The following SPTBN4 variants were observed in gnomAD, a reference collection of about 807,000 sequenced individuals.
The protein encoded by SPTBN4 is spectrin beta, non-erythrocytic 4.
SPTBN4 carries 96 observed loss-of-function variants against 277.8 expected under a neutral mutation model. The ratio of observed to expected loss-of-function variants is 0.35; its 90% CI spans 0.29 to 0.41. The LOEUF is 0.41. Among genes scored for constraint, SPTBN4 ranks in the 10% least tolerant of loss-of-function variants. The probability of loss-of-function intolerance (pLI) is 1.00; values close to 1 mark genes in which losing one functional copy is unlikely to be tolerated. For synonymous variants in SPTBN4, 1,481 were observed against 1,580.3 expected, an observed-to-expected ratio of 0.94 and a Z score of 1.49; for missense variants, 3,006 against 3,595.7, an observed-to-expected ratio of 0.84 and a Z score of 4.19.
chr19:40,527,667 C>T (rs376726688), intron 17 of SPTBN4, among the ~76,000 whole-genome samples: 4 of 151,870 alleles, frequency 2.6e-5, no homozygotes, highest in South Asian at 2.1e-4. Context: ...CAAGGCACAG[C>T]GAGAAGGGCA....
chr19:40,533,542 G>A (rs1373072174), intron 19 of SPTBN4, among the ~76,000 whole-genome samples: 1 of 152,142 alleles, frequency 6.6e-6, no homozygotes, highest in Non-Finnish European at 1.5e-5. Context: ...AGACACCCAT[G>A]TTGGCCTTAA....
At chr19:40,545,371 G>A (rs998844581) in intron 20 of SPTBN4, among the ~76,000 whole-genome samples, 1 of 151,800 alleles carries the variant, frequency 6.6e-6, no homozygotes, top group Non-Finnish European at 1.5e-5. Flanking sequence ...TGGGATTACA[G>A]GCGTGAGCCA....
chr19:40,552,476 A>AT (rs1334561680), intron 22 of SPTBN4, among the ~76,000 whole-genome samples: 1 of 143,418 alleles, frequency 7.0e-6, no homozygotes, highest in African/African-American at 2.6e-5. Context: ...AAAAAAAAAG[A>AT]TTAAAAAAAA....
At chr19:40,500,894 G>A (rs1377205781) in intron 7 of SPTBN4, among the ~76,000 whole-genome samples, 2 of 151,804 alleles carry the variant, frequency 1.3e-5, no homozygotes, top group South Asian at 4.2e-4. Context: ...GAAAGGAAAA[G>A]AAAGGAAACA....
chr19:40,572,256 T>C, intron 34 of SPTBN4, 64 bp downstream of exon 34: 1 of 1,602,724 alleles, frequency 6.2e-7, no homozygotes, highest in South Asian at 1.1e-5. Flanking sequence ...AGTGGGACCC[T>C]GGCTTCCCTG....
chr19:40,558,757 G>A (rs1214119094), intron 26 of SPTBN4, among the ~76,000 whole-genome samples: 2 of 151,488 alleles, frequency 1.3e-5, no homozygotes, highest in South Asian at 2.1e-4. Context: ...ACATGCACGC[G>A]CCACCACACC....
At chr19:40,492,618 A>G (rs2080151509) in intron 4 of SPTBN4, among the ~76,000 whole-genome samples, 1 of 152,184 alleles carries the variant, frequency 6.6e-6, no homozygotes, top group Admixed American at 6.5e-5. Flanking sequence ...TCTCTCTGCC[A>G]TGTGGAGAAC....
intron 15 of SPTBN4, among the ~76,000 whole-genome samples, chr19:40,516,593 G>A (rs1191720504): frequency 1.3e-5 from 2 of 152,244 alleles, no homozygotes; most frequent in Admixed American, 6.5e-5. Flanking sequence ...GGAGGCCAAG[G>A]CAGGTGGATC....
intron 16 of SPTBN4, among the ~76,000 whole-genome samples, chr19:40,521,076 C>T (rs2080521360): frequency 6.6e-6 from 1 of 152,146 alleles, no homozygotes; most frequent in African/African-American, 2.4e-5. Flanking sequence ...AGGCGCGAGC[C>T]ACCATGACCA....
intron 27 of SPTBN4, among the ~76,000 whole-genome samples, 159 bp from the exon 28 acceptor site, chr19:40,565,264 C>CAAAAA (rs71173654): frequency 7.8e-6 from 1 of 128,478 alleles, no homozygotes; most frequent in African/African-American, 2.8e-5. Context: ...GACTTTATCT[C>CAAAAA]AAAAAAAAAA....
chr19:40,549,107 C>T, intron 20 of SPTBN4, 82 bp from the exon 21 acceptor site: 1 of 1,204,382 alleles, frequency 8.3e-7, no homozygotes, highest in Non-Finnish European at 1.1e-6. Flanking sequence ...AGGGGTCTGG[C>T]TGTCACCATA....
chr19:40,554,452 G>A lies in SPTBN4; in HGVS notation c.4953+27G>A. 6.6e-7 allele frequency: 1 copy of A among 1,513,798 alleles called. No homozygotes were observed. The highest frequency in any genetic ancestry group is 8.9e-7 in the Non-Finnish European group (1 of 1,128,028). 93.8% of individuals were successfully genotyped at this position (1,513,798 alleles called of 1,614,324 possible). ...TGCGCCCGAGCTGGGGGTGCGGAGG[G>A]CCTGGGGGCGCTGGAGCCGGGGGCC... is the stretch of plus-strand genomic sequence containing the variant. On this transcript the variant is annotated intron_variant, in intron 23 of 35. Transcript: ENST00000598249. The surrounding 1 kb of genome is among the most constrained non-coding windows in gnomAD (Gnocchi z 5.7).
chr19:40,573,462 G>A (rs2081172626), intron 35 of SPTBN4, among the ~76,000 whole-genome samples: 1 of 152,248 alleles, frequency 6.6e-6, no homozygotes, highest in Non-Finnish European at 1.5e-5. Flanking sequence ...CTCAGGACAG[G>A]ATGGGCCATT....
chr19:40,533,085 A>G (rs1437047462), intron 19 of SPTBN4, among the ~76,000 whole-genome samples: 1 of 152,150 alleles, frequency 6.6e-6, no homozygotes, highest in African/African-American at 2.4e-5. Context: ...GGGGCATTTA[A>G]GATGGAAGGT....
Position 40,519,971 on chromosome 19 carries a change from C to T in SPTBN4, c.3474C>T (p.Ala1158=), listed in dbSNP as rs1599759507. Residue 1158 remains alanine (A), a synonymous_variant, in exon 16 of 36, where the codon GCC becomes GCT. Transcript: ENST00000598249. The surrounding 1 kb of genome is among the most constrained non-coding windows in gnomAD (Gnocchi z 5.7). Reference sequence around the variant, plus strand: ...TGGCGGCCAGCGAGGCGCTGCTGGCCGCCGACGGCGCAGAGCTGGGCCCGG... The same window carrying T: ...TGGCGGCCAGCGAGGCGCTGCTGGCTGCCGACGGCGCAGAGCTGGGCCCGG... ...RIVAASEALL[A]ADGAELGPGL... is the part of the protein sequence containing the mutation. 1.3e-6 allele frequency: 2 copies of T among 1,538,678 alleles called. No homozygotes were observed. Among genetic ancestry groups the T allele is most frequent in the Non-Finnish European group, 1.7e-6 (2 of 1,150,088 alleles).
At chr19:40,518,507 A>G (rs936703388) in intron 15 of SPTBN4, among the ~76,000 whole-genome samples, 1 of 151,938 alleles carries the variant, frequency 6.6e-6, no homozygotes, top group African/African-American at 2.4e-5. Flanking sequence ...ATCATGGCTC[A>G]CTGCAGCCTC....
At chr19:40,564,927 A>T (rs891948376) in intron 27 of SPTBN4, among the ~76,000 whole-genome samples, 1 of 152,028 alleles carries the variant, frequency 6.6e-6, no homozygotes, top group African/African-American at 2.4e-5. Context: ...AATTTGAATC[A>T]TTGAATTAGT....
intron 20 of SPTBN4, among the ~76,000 whole-genome samples, chr19:40,541,686 C>T (rs1443350164): frequency 6.6e-6 from 1 of 152,128 alleles, no homozygotes; most frequent in Non-Finnish European, 1.5e-5. Flanking sequence ...GTCGCCATCT[C>T]TGTGTCTCTC....
intron 13 of SPTBN4, among the ~76,000 whole-genome samples, chr19:40,512,064 A>G (rs189852297): frequency 3.0e-4 from 46 of 152,348 alleles, no homozygotes; most frequent in African/African-American, 1.1e-3. Flanking sequence ...TGGAGGTTGC[A>G]GTGAACCGAG....
Sources: allele counts gnomAD v4.1 joint callset (sites outside exome capture counted in the v4.1 genomes callset), GRCh38; gene constraint gnomAD v4.1.1; non-coding constraint Gnocchi (gnomAD v3.1); transcripts MANE v1.5; gene names NCBI Gene and HGNC (gene_info 2026-07-23, HGNC 2026-07-21).